Variants in GATA3 observed in about 807,000 individuals in gnomAD.
The protein encoded by GATA3 is GATA binding protein 3, also known as trans-acting T-cell-specific transcription factor GATA-3.
GATA3 carries 6 observed loss-of-function variants against 36.0 expected under a neutral mutation model. The ratio of observed to expected loss-of-function variants is 0.17; its 90% CI spans 0.09 to 0.33. The LOEUF (loss-of-function observed/expected upper bound fraction) is 0.33. Among genes scored for constraint, GATA3 ranks in the 10% least tolerant of loss-of-function variants. The probability of loss-of-function intolerance (pLI) is 1.00; values close to 1 mark genes in which losing one functional copy is unlikely to be tolerated. For synonymous variants in GATA3, 326 were observed against 273.0 expected (o/e 1.19, Z -1.92); for missense variants, 514 against 610.1 (o/e 0.84, Z 1.66).
At chr10:8,065,674 TC>T (rs1197699080) in intron 4 of GATA3, among the ~76,000 whole-genome samples, 1 of 141,220 alleles carries the variant, frequency 7.1e-6, no homozygotes, top group African/African-American at 2.6e-5. Flanking sequence ...TTCTCAACCT[TC>T]CCCCACCTCT....
chr10:8,063,594 C>A (rs540184941), intron 3 of GATA3, among the ~76,000 whole-genome samples: 1 of 151,922 alleles, frequency 6.6e-6, no homozygotes, highest in African/African-American at 2.4e-5. Context: ...TCCTTTTTTT[C>A]CTTTGAGGGA....
At chr10:8,056,247 C>A (rs1832636390) in intron 2 of GATA3, among the ~76,000 whole-genome samples, 1 of 152,158 alleles carries the variant, frequency 6.6e-6, no homozygotes, top group Admixed American at 6.5e-5. Context: ...GGCTCTGCCT[C>A]CGCGGGTCCG....
chr10:8,057,539 C>G (rs1832660757), intron 2 of GATA3, among the ~76,000 whole-genome samples: 1 of 152,084 alleles, frequency 6.6e-6, no homozygotes, highest in Admixed American at 6.5e-5. Context: ...ATCTCCTTCT[C>G]CTTTAGGATT....
chr10:8,072,977 T>A (rs910325276), intron 5 of GATA3, among the ~76,000 whole-genome samples: 22 of 151,984 alleles, frequency 1.4e-4, no homozygotes, highest in African/African-American at 5.3e-4. Context: ...AAACCCCGTC[T>A]CTACTAAAAA....
At chr10:8,068,046 G>A (rs1380633559) in intron 4 of GATA3, among the ~76,000 whole-genome samples, 2 of 152,142 alleles carry the variant, frequency 1.3e-5, no homozygotes, top group African/African-American at 4.8e-5. Flanking sequence ...AAGGTGAGGA[G>A]GAGAGAGAGG....
At chr10:8,046,710 A>T (rs1420094245) in intron 1 of GATA3, among the ~76,000 whole-genome samples, 1 of 148,608 alleles carries the variant, frequency 6.7e-6, no homozygotes, top group Non-Finnish European at 1.5e-5. Flanking sequence ...TTACCATGAC[A>T]TGTTTGTGCC....
upstream of GATA3, chr10:8,051,677 A>T (rs1202404382): frequency 6.6e-6 from 1 of 152,598 alleles, no homozygotes; most frequent in Non-Finnish European, 1.5e-5. Context: ...TCTCCGCAGG[A>T]GGCCAGGATC....
At chr10:8,065,311 G>A (rs1259436037) in intron 4 of GATA3, among the ~76,000 whole-genome samples, 1 of 139,338 alleles carries the variant, frequency 7.2e-6, no homozygotes, top group African/African-American at 2.7e-5. Flanking sequence ...AGGCTGGAGT[G>A]CAGTGGCACG....
chr10:8,051,525 G>A, upstream of GATA3: 2 of 157,070 alleles, frequency 1.3e-5, no homozygotes, highest in Non-Finnish European at 1.4e-5. Context: ...GGCGGCGGCG[G>A]CATCCTCCTG....
At chr10:8,068,726 C>T (rs535598884) in intron 4 of GATA3, among the ~76,000 whole-genome samples, 1 of 152,276 alleles carries the variant, frequency 6.6e-6, no homozygotes, top group African/African-American at 2.4e-5. Context: ...GCACTCCAGC[C>T]TGGGTGACAG....
chr10:8,055,276 C>G lies in GATA3; in HGVS notation c.-369-11C>G. The G allele has an allele frequency of 2.5e-6, 1 of 393,194 alleles. No homozygotes were observed. The highest frequency in any genetic ancestry group is 4.6e-6 in the Non-Finnish European group (1 of 215,936). The allele number at this position is 393,194 out of a possible 1,614,324, so 24.4% of individuals were successfully genotyped here. On this transcript the variant is annotated splice_polypyrimidine_tract_variant and intron_variant, in intron 1 of 5. Transcript: ENST00000379328. The surrounding 1 kb of genome is among the most constrained non-coding windows in gnomAD (Gnocchi z 5.4). ...GGGGCTCATCCAGGTCTCCCATTCTCTCCCTTGCAGGTGACCCGAGGAGGG... is the reference window on the plus strand; with the variant it reads ...GGGGCTCATCCAGGTCTCCCATTCTGTCCCTTGCAGGTGACCCGAGGAGGG...
chr10:8,062,596 T>C (rs754194956), intron 3 of GATA3, among the ~76,000 whole-genome samples: 4 of 152,146 alleles, frequency 2.6e-5, no homozygotes, highest in Non-Finnish European at 4.4e-5. Context: ...TTTTTCCTCC[T>C]TTTAGGGGAA....
chr10:8,058,372 G>A lies in GATA3; in HGVS notation c.309G>A (p.Leu103=). ...CCTGGCTGGACGGCGGCAAAGCCCT[G>A]GGCAGCCACCACACCGCCTCCCCCT... is the stretch of plus-strand genomic sequence containing the variant. The part of the protein sequence containing the change: ...SLPWLDGGKA[L]GSHHTASPWN... The change falls in exon 3 of 6, where the codon CTG becomes CTA. Residue 103 remains leucine (L), a synonymous_variant. Coordinates refer to ENST00000379328, the MANE Select transcript of GATA3 (RefSeq NM_001002295.2). 1 of 1,612,830 alleles carries A rather than the reference G, an allele frequency of 6.2e-7. No individual in the cohort carries two copies. Among genetic ancestry groups the A allele is most frequent in the Non-Finnish European group, 8.5e-7 (1 of 1,179,986 alleles).
intron 4 of GATA3, among the ~76,000 whole-genome samples, chr10:8,068,018 A>G (rs1832873956): frequency 6.6e-6 from 1 of 152,108 alleles, no homozygotes; most frequent in Admixed American, 6.5e-5. Flanking sequence ...TGCAGTTAAA[A>G]TTTTCTTTTT....
upstream of GATA3, among the ~76,000 whole-genome samples, chr10:8,051,899 C>T (rs960823478): frequency 4.6e-5 from 7 of 152,316 alleles, no homozygotes; most frequent in Admixed American, 4.6e-4. Flanking sequence ...TCCAGCCTCG[C>T]TCCCTTCCCC....
At position 8,069,504 on chromosome 10, in the gene GATA3, C is replaced by A; in HGVS notation, c.956C>A (p.Ala319Glu). The change falls in exon 5 of 6, where the codon GCG becomes GAG. Residue 319 changes from alanine (A) to glutamate (E), a missense_variant. This residue lies in a region of GATA3 where 44 missense variants were observed against 151.5 expected (regional missense o/e 0.29). Transcript: ENST00000379328. The part of the protein sequence containing the change: ...SAARRAGTSC[A>E]NCQTTTTTLW... The stretch of plus-strand genomic sequence containing the variant: ...GCCAGGAGAGCAGGGACGTCCTGTG[C>A]GAACTGTCAGACCACCACAACCACA... 2 of 1,613,676 alleles carry A rather than the reference C, an allele frequency of 1.2e-6. No individual in the cohort carries two copies. Among genetic ancestry groups the A allele is most frequent in the Non-Finnish European group, 8.5e-7 (1 of 1,179,782 alleles).
At chr10:8,065,021 T>A (rs1345799619) in intron 4 of GATA3, among the ~76,000 whole-genome samples, 2 of 152,138 alleles carry the variant, frequency 1.3e-5, no homozygotes, top group Non-Finnish European at 2.9e-5. Flanking sequence ...ATAACAACTC[T>A]AGCCACAGCT....
intron 5 of GATA3, among the ~76,000 whole-genome samples, chr10:8,070,983 G>A (rs1832922332): frequency 1.3e-5 from 2 of 152,176 alleles, no homozygotes; most frequent in African/African-American, 4.8e-5. Flanking sequence ...TTAAAATCTG[G>A]AAGGCTTGGG....
At chr10:8,047,136 G>A (rs1298747811) in intron 1 of GATA3, among the ~76,000 whole-genome samples, 1 of 152,268 alleles carries the variant, frequency 6.6e-6, no homozygotes, top group African/African-American at 2.4e-5. Flanking sequence ...AGGGATGGGA[G>A]TGGGAAGCCC....
Sources: gnomAD v4.1 joint callset for allele counts (sites outside exome capture counted in the v4.1 genomes callset) on GRCh38, gnomAD v4.1.1 for gene constraint, gnomAD v4.1.1 regional missense constraint, Gnocchi (gnomAD v3.1) non-coding constraint, MANE v1.5 for transcripts, NCBI Gene and HGNC (gene_info 2026-07-23, HGNC 2026-07-21) for gene names.